The following R3HDM2 variants were observed in gnomAD, a reference collection of about 807,000 sequenced individuals.
R3HDM2 encodes the protein R3H domain-containing protein 2.
R3HDM2 carries 38 observed loss-of-function variants against 124.5 expected under a neutral mutation model. The ratio of observed to expected loss-of-function variants is 0.31; its 90% CI spans 0.24 to 0.40. R3HDM2 has a LOEUF of 0.40. R3HDM2 is among the 10% of genes least tolerant of loss of function. The probability of loss-of-function intolerance (pLI) is 1.00; values close to 1 mark genes in which losing one functional copy is unlikely to be tolerated. For missense variants in R3HDM2, 869 were observed against 1,236.9 expected (o/e 0.70, Z 4.46); for synonymous variants, 391 against 448.0 (o/e 0.87, Z 1.61).
intron 2 of R3HDM2, among the ~76,000 whole-genome samples, chr12:57,339,798 G>A (rs552500932): frequency 7.9e-5 from 12 of 152,128 alleles, no homozygotes; most frequent in Non-Finnish European, 1.5e-4. Context: ...AGAGAATTAA[G>A]TAGGTATAGT....
intron 23 of R3HDM2, 92 bp from the exon 24 acceptor site, chr12:57,255,205 G>T: frequency 9.3e-7 from 1 of 1,073,776 alleles, no homozygotes; most frequent in African/African-American, 1.6e-5. Flanking sequence ...AGCTGACTAA[G>T]TCTGTATACA....
chr12:57,292,507 A>C (rs2048865756), intron 11 of R3HDM2, 65 bp downstream of exon 11: 1 of 1,133,848 alleles, frequency 8.8e-7, no homozygotes, highest in South Asian at 1.4e-5. Flanking sequence ...GGTTCATTCC[A>C]TTCACAGTTC....
At chr12:57,316,623 T>G (rs1437863906) in intron 2 of R3HDM2, among the ~76,000 whole-genome samples, 7 of 141,980 alleles carry the variant, frequency 4.9e-5, no homozygotes, top group Non-Finnish European at 9.1e-5. Flanking sequence ...TCTCACTATA[T>G]CACCCAGGTT....
intron 18 of R3HDM2, 146 bp downstream of exon 18, chr12:57,268,157 T>A: frequency 1.3e-6 from 1 of 776,074 alleles, no homozygotes. Flanking sequence ...AAAAGGAGAA[T>A]GAACTCCCTC....
At chr12:57,430,489 G>GCCCC in intron 1 of R3HDM2, 1 of 790,572 alleles carries the variant, frequency 1.3e-6, no homozygotes, top group Non-Finnish European at 1.5e-6. Context: ...CCACCCCCCT[G>GCCCC]CCCCCGCACC....
intron 1 of R3HDM2, among the ~76,000 whole-genome samples, chr12:57,409,906 G>A (rs1197442307): frequency 6.6e-6 from 1 of 151,896 alleles, no homozygotes; most frequent in Non-Finnish European, 1.5e-5. Flanking sequence ...CCAGAAGGAA[G>A]GAAAGAAAAG....
intron 2 of R3HDM2, among the ~76,000 whole-genome samples, chr12:57,320,287 A>G (rs1290814204): frequency 6.8e-6 from 1 of 147,452 alleles, no homozygotes; most frequent in Non-Finnish European, 1.5e-5. Context: ...AAAAAAAAAA[A>G]AGCCTTAAAC....
chr12:57,361,067 A>AG (rs1388279609), intron 2 of R3HDM2, among the ~76,000 whole-genome samples: 1 of 148,836 alleles, frequency 6.7e-6, no homozygotes, highest in Non-Finnish European at 1.5e-5. Flanking sequence ...AAAAAAAAAA[A>AG]AAAAGCAAAG....
intron 1 of R3HDM2, among the ~76,000 whole-genome samples, chr12:57,398,162 C>T (rs979892714): frequency 1.3e-5 from 2 of 150,680 alleles, no homozygotes; most frequent in Admixed American, 6.6e-5. Flanking sequence ...GAAATCATGC[C>T]ACTTCACTCC....
chr12:57,281,721 A>G (rs964178796), intron 13 of R3HDM2, among the ~76,000 whole-genome samples: 8 of 151,974 alleles, frequency 5.3e-5, no homozygotes, highest in Admixed American at 5.2e-4. Context: ...CCTGGCCTCA[A>G]GTGATCTGCC....
chr12:57,396,338 G>A (rs2138849380), intron 1 of R3HDM2, among the ~76,000 whole-genome samples: 1 of 152,196 alleles, frequency 6.6e-6, no homozygotes, highest in South Asian at 2.1e-4. Flanking sequence ...CTGCTGGGGA[G>A]GCTGAGGCAG....
At chr12:57,373,832 A>T (rs1566390696) in intron 2 of R3HDM2, among the ~76,000 whole-genome samples, 1 of 147,774 alleles carries the variant, frequency 6.8e-6, no homozygotes, top group Non-Finnish European at 1.5e-5. Context: ...ATAAATAAAT[A>T]AATAATAATA....
intron 2 of R3HDM2, among the ~76,000 whole-genome samples, chr12:57,366,732 C>T (rs566222781): frequency 3.1e-4 from 47 of 152,210 alleles, no homozygotes; most frequent in African/African-American, 1.1e-3. Flanking sequence ...CTCTGTTGCC[C>T]AGGCTGGAGT....
At position 57,283,953 on chromosome 12, in the gene R3HDM2, C is replaced by CA; in HGVS notation, c.1041dup (p.Asp348Ter). On this transcript the variant is annotated frameshift_variant, in exon 13 of 24. Coordinates refer to ENST00000402412, the MANE Select transcript of R3HDM2 (RefSeq NM_001394031.1). LOFTEE classifies it high-confidence loss of function. ...GGTCGCATGCTCCGGACAGAGCCAT[C>CA]AGAGTCTGTGCTGCTCCAAGGGCGT... is the stretch of plus-strand genomic sequence containing the variant. The CA allele has an allele frequency of 6.2e-7, 1 of 1,614,150 alleles. No homozygotes were observed. The highest frequency in any genetic ancestry group is 8.5e-7 in the Non-Finnish European group (1 of 1,180,012).
In R3HDM2 at chr12:57,309,498, A is replaced by G. The variant is rs778580864; in HGVS notation, c.165+766T>C. Among the ~76,000 whole-genome samples, 116 of 152,220 alleles carry G rather than the reference A, an allele frequency of 7.6e-4. 1 individual carries two copies. The highest frequency in any genetic ancestry group is 1.4e-3 in the Non-Finnish European group (95 of 68,040). ...TACAGTACGAATTTGGATGAAAAACATGGCAAACAAAGAGTGAAATTCCTT... is the reference window on the plus strand; with the variant it reads ...TACAGTACGAATTTGGATGAAAAACGTGGCAAACAAAGAGTGAAATTCCTT... On this transcript the variant is annotated intron_variant, in intron 3 of 23. Coordinates refer to ENST00000402412, the MANE Select transcript of R3HDM2 (RefSeq NM_001394031.1).
intron 2 of R3HDM2, among the ~76,000 whole-genome samples, chr12:57,322,060 C>G (rs1462193316): frequency 6.6e-6 from 1 of 152,112 alleles, no homozygotes; most frequent in Non-Finnish European, 1.5e-5. Context: ...AACCCCATAT[C>G]TACTAAAAAA....
upstream of R3HDM2, chr12:57,431,085 T>C (rs1430088804): frequency 2.0e-5 from 3 of 152,118 alleles, no homozygotes; most frequent in Non-Finnish European, 4.4e-5. Flanking sequence ...GTTCCGGCCG[T>C]CCCTGCTTCC....
chr12:57,255,902 G>T, intron 23 of R3HDM2, 88 bp downstream of exon 23: 2 of 1,177,128 alleles, frequency 1.7e-6, no homozygotes, highest in Non-Finnish European at 2.4e-6. Flanking sequence ...CCCATCCTAA[G>T]CTGGCTTTTC....
At chr12:57,360,122 G>A (rs1226163392) in intron 2 of R3HDM2, among the ~76,000 whole-genome samples, 2 of 148,480 alleles carry the variant, frequency 1.3e-5, no homozygotes, top group Non-Finnish European at 3.0e-5. Flanking sequence ...TCCGCCTTCT[G>A]GGCTCAAACA....
Sources: allele counts gnomAD v4.1 joint callset (sites outside exome capture counted in the v4.1 genomes callset), GRCh38; gene constraint gnomAD v4.1.1; transcripts MANE v1.5; gene names NCBI Gene and HGNC (gene_info 2026-07-23, HGNC 2026-07-21).